Variants in FCRLA observed in about 807,000 individuals in gnomAD.
The protein encoded by FCRLA is Fc receptor like A, also known as Fc receptor-like A.
FCRLA carries 26 observed loss-of-function variants against 28.4 expected under a neutral mutation model. That is an observed-to-expected ratio of 0.91 (90% CI 0.67 to 1.27). The LOEUF (loss-of-function observed/expected upper bound fraction) is 1.27. FCRLA is among the 50% of genes most tolerant of loss of function. FCRLA has a pLI of 0.00. For synonymous variants in FCRLA, 174 were observed against 168.5 expected (o/e 1.03, Z -0.25); for missense variants, 422 against 433.1 (o/e 0.97, Z 0.23).
In FCRLA at chr1:161,707,232, G is replaced by A; in HGVS notation, c.-33G>A. On this transcript the variant is annotated 5_prime_UTR_variant, in exon 1 of 5. Coordinates refer to ENST00000236938, the MANE Select transcript of FCRLA (RefSeq NM_032738.4). ...AGGTTTCATGTTGAAGAAAATCAGT[G>A]TTGGGGTTGCAGGAGACCTAAACAC... 1 of 1,614,086 alleles carries A rather than the reference G, an allele frequency of 6.2e-7. No homozygotes were observed. Among genetic ancestry groups the A allele is most frequent in the Non-Finnish European group, 8.5e-7 (1 of 1,179,994 alleles).
chr1:161,710,687 T>C lies in FCRLA; in HGVS notation c.80-73T>C, dbSNP rs575493140. 5.7e-5 allele frequency: 90 copies of C among 1,585,140 alleles called. No homozygotes were observed. In the African/African-American group the frequency reaches 1.0e-3, roughly 18 times the overall value. On this transcript the variant is annotated intron_variant, in intron 1 of 4. Coordinates refer to ENST00000236938, the MANE Select transcript of FCRLA (RefSeq NM_032738.4). ...TAAAAAGGATGATTATCCTGGGAGA[T>C]GGAGGAACCCTGTCCTCTTTCTCCA...
At chr1:161,710,145 G>A in intron 1 of FCRLA, 1 of 331,616 alleles carries the variant, frequency 3.0e-6, no homozygotes, top group Non-Finnish European at 5.7e-6. Flanking sequence ...GAAGGTCTGA[G>A]GACTGAAGTA....
Position 161,713,373 on chromosome 1 carries a change from C to A in FCRLA, c.1073C>A (p.Ala358Asp). 1 of 1,612,470 alleles carries A rather than the reference C, an allele frequency of 6.2e-7. No individual in the cohort carries two copies. Residue 358 changes from alanine to aspartate, a missense_variant, in exon 5 of 5, where the codon GCT becomes GAT. Around this residue, in one of 3 missense-constraint regions of FCRLA, gnomAD observed 185 missense variants for 198.1 expected, o/e 0.93. Transcript: ENST00000236938. ...HRKPGTTKAT[A>D]E ...AAGCCTGGGACCACAAAGGCTACTG[C>A]TGAATAGAAGTAAACAGTTCATCCA... is the stretch of plus-strand genomic sequence containing the variant.
intron 1 of FCRLA, 83 bp downstream of exon 1, chr1:161,707,426 C>T (rs1682870972): frequency 7.0e-7 from 1 of 1,431,254 alleles, no homozygotes; most frequent in African/African-American, 1.4e-5. Flanking sequence ...GAAACATGGA[C>T]TAATTCTGGC....
intron 1 of FCRLA, 41 bp from the exon 2 acceptor site, chr1:161,710,719 A>C: frequency 6.2e-7 from 1 of 1,613,428 alleles, no homozygotes; most frequent in East Asian, 2.2e-5. Flanking sequence ...TCCAAGTTGC[A>C]TCATCATTTT....
chr1:161,713,145 C>G lies in FCRLA; in HGVS notation c.845C>G (p.Pro282Arg). The G allele has an allele frequency of 6.2e-7, 1 of 1,614,250 alleles. No homozygotes were observed. The highest frequency in any genetic ancestry group is 8.5e-7 in the Non-Finnish European group (1 of 1,180,052). ...LNPAPQKSAA[P>R]GTAPEEAPGP... ...CCAGCTCCTCAGAAATCAGCTGCTC[C>G]AGGAACTGCTCCTGAGGAGGCCCCT... is the stretch of plus-strand genomic sequence containing the variant. Residue 282 changes from proline (P) to arginine (R), a missense_variant, in exon 5 of 5, where the codon CCA (proline) becomes CGA (arginine). Physicochemically the swap from Pro to Arg is moderately radical, Grantham distance 103 (BLOSUM62 -2). Around this residue, in one of 3 missense-constraint regions of FCRLA, gnomAD observed 185 missense variants for 198.1 expected, o/e 0.93. Transcript: ENST00000236938.
At chr1:161,708,447 C>T (rs147467489) in intron 1 of FCRLA, among the ~76,000 whole-genome samples, 1 of 152,340 alleles carries the variant, frequency 6.6e-6, no homozygotes, top group Non-Finnish European at 1.5e-5. Context: ...TCGTCCAAAC[C>T]TTGTGTTCTT....
chr1:161,709,787 C>T (rs907374349), intron 1 of FCRLA, among the ~76,000 whole-genome samples: 1 of 152,148 alleles, frequency 6.6e-6, no homozygotes. Context: ...AGAAATGTCA[C>T]TTCCCTTGCC....
chr1:161,711,776 T>G, intron 3 of FCRLA, 158 bp from the exon 4 acceptor site: 1 of 971,516 alleles, frequency 1.0e-6, no homozygotes, highest in South Asian at 1.6e-5. Flanking sequence ...CCTGTCTACT[T>G]ACAGAAAGAA....
chr1:161,711,323 C>G lies in FCRLA; in HGVS notation c.348C>G (p.Gly116=). ...CTCAGGTGACCTTCTACCGAGATGGCTCAGCTCTGGGTCCCCCCGGGCCTA... is the reference window on the plus strand; with the variant it reads ...CTCAGGTGACCTTCTACCGAGATGGGTCAGCTCTGGGTCCCCCCGGGCCTA... ...PLTQVTFYRD[G]SALGPPGPNR... Residue 116 remains glycine, a synonymous_variant, in exon 3 of 5, where the codon GGC becomes GGG. Transcript: ENST00000236938. The G allele has an allele frequency of 6.2e-7, 1 of 1,614,236 alleles. No homozygotes were observed. Among genetic ancestry groups the G allele is most frequent in the Non-Finnish European group, 8.5e-7 (1 of 1,180,028 alleles).
In FCRLA at chr1:161,710,911, T is replaced by C. The variant is rs1289693313; in HGVS notation, c.231T>C (p.Tyr77=). Reference sequence around the variant, plus strand: ...AACCCTTCCACCTGATTGTGTCCTATGGTGAGGTCCTGGGAAGGCCTGAGC... The same window carrying C: ...AACCCTTCCACCTGATTGTGTCCTACGGTGAGGTCCTGGGAAGGCCTGAGC... ...FSEPFHLIVS[Y]DWLILQGPAK... is the part of the protein sequence containing the mutation. The change falls in exon 2 of 5, where the codon TAT becomes TAC. Residue 77 remains tyrosine, a splice_region_variant and synonymous_variant. Coordinates refer to ENST00000236938, the MANE Select transcript of FCRLA (RefSeq NM_032738.4). The C allele has an allele frequency of 2.5e-6, 4 of 1,612,720 alleles. No homozygotes were observed. Among genetic ancestry groups the C allele is most frequent in the Non-Finnish European group, 2.5e-6 (3 of 1,179,950 alleles).
intron 1 of FCRLA, chr1:161,710,331 G>GA: frequency 1.4e-6 from 1 of 715,320 alleles, no homozygotes; most frequent in Non-Finnish European, 2.4e-6. Context: ...GAAAGTTTGT[G>GA]AGGATGAAGT....
In FCRLA at chr1:161,710,423, T is replaced by A. The variant is rs1319177027; in HGVS notation, c.80-337T>A. On this transcript the variant is annotated intron_variant, in intron 1 of 4. Transcript: ENST00000236938. ...ATGTCTCCCTTTCATTCCTGTCCTA[T>A]GCCTCCCTGCTTCGAGTTACCATTG... 3.9e-6 allele frequency: 6 copies of A among 1,522,530 alleles called. No homozygotes were observed. In the South Asian group the frequency reaches 6.0e-5, roughly 15 times the overall value. The allele number at this position is 1,522,530 out of a possible 1,614,324, so 94.3% of individuals were successfully genotyped here.
At position 161,710,739 on chromosome 1, in the gene FCRLA, C is replaced by T. The variant is rs559113614; in HGVS notation, c.80-21C>T. The T allele has an allele frequency of 8.1e-6, 13 of 1,614,128 alleles. No homozygotes were observed. The South Asian group carries it at 1.4e-4, about 18-fold the overall frequency. On this transcript the variant is annotated intron_variant, in intron 1 of 4. Coordinates refer to ENST00000236938, the MANE Select transcript of FCRLA (RefSeq NM_032738.4). ...GTTGCATCATCATTTTCTGGTTCTC[C>T]CTGGGCCATGCCCTCTTCAGCTGCC...
At position 161,713,078 on chromosome 1, in the gene FCRLA, A is replaced by G; in HGVS notation, c.785-7A>G. ...CTCTTGTATGTGCCTCCTGCCCCAT[A>G]ATTCAGGTGCTTCCAGCTCTGCTGC... On this transcript the variant is annotated splice_polypyrimidine_tract_variant and splice_region_variant and intron_variant, in intron 4 of 4. Coordinates refer to ENST00000236938, the MANE Select transcript of FCRLA (RefSeq NM_032738.4). The G allele has an allele frequency of 6.2e-7, 1 of 1,607,680 alleles. No homozygotes were observed. Among genetic ancestry groups the G allele is most frequent in the Non-Finnish European group, 8.5e-7 (1 of 1,177,200 alleles).
At chr1:161,707,481 A>G (rs1287890525) in intron 1 of FCRLA, 138 bp downstream of exon 1, 2 of 962,464 alleles carry the variant, frequency 2.1e-6, no homozygotes, top group Non-Finnish European at 3.0e-6. Flanking sequence ...GGGTAGGTAT[A>G]AGAAAGTTTG....
At chr1:161,713,004 C>A in intron 4 of FCRLA, 81 bp from the exon 5 acceptor site, 1 of 1,488,044 alleles carries the variant, frequency 6.7e-7, no homozygotes, top group Non-Finnish European at 9.1e-7. Flanking sequence ...TTTCAGAGAA[C>A]AAGAAAGATT....
chr1:161,712,070 T>C lies in FCRLA; in HGVS notation c.636T>C (p.Asp212=). 1 of 1,614,058 alleles carries C rather than the reference T, an allele frequency of 6.2e-7. No homozygotes were observed. Among genetic ancestry groups the C allele is most frequent in the Non-Finnish European group, 8.5e-7 (1 of 1,180,022 alleles). Residue 212 remains aspartate, a synonymous_variant, in exon 4 of 5, where the codon GAT becomes GAC. Coordinates refer to ENST00000236938, the MANE Select transcript of FCRLA (RefSeq NM_032738.4). ...GCCTCCTCTTCTCCTTCTACAAGGA[T>C]GGAAGGATAGTGCAAAGCAGGGGGC... ...AARLLFSFYK[D]GRIVQSRGLS... is the part of the protein sequence containing the mutation.
intron 1 of FCRLA, among the ~76,000 whole-genome samples, chr1:161,709,910 A>C (rs542663096): frequency 2.0e-5 from 3 of 152,278 alleles, no homozygotes; most frequent in African/African-American, 7.2e-5. Context: ...ATGGACTGGG[A>C]GGAGGGGAAA....
Sources: gnomAD v4.1 joint callset for allele counts (sites outside exome capture counted in the v4.1 genomes callset) on GRCh38, gnomAD v4.1.1 for gene constraint, gnomAD v4.1.1 regional missense constraint, MANE v1.5 for transcripts, NCBI Gene and HGNC (gene_info 2026-07-23, HGNC 2026-07-21) for gene names.